The following IPO7 variants were observed in gnomAD, a reference collection of about 807,000 sequenced individuals.
IPO7 encodes the protein importin-7.
IPO7 carries 13 observed loss-of-function variants against 136.4 expected under a neutral mutation model. That is an observed-to-expected ratio of 0.10 (90% CI 0.06 to 0.15). The LOEUF (loss-of-function observed/expected upper bound fraction) is 0.15. Among genes scored for constraint, IPO7 ranks in the 10% least tolerant of loss-of-function variants. The probability of loss-of-function intolerance (pLI) is 1.00; values close to 1 mark genes in which losing one functional copy is unlikely to be tolerated. For missense variants in IPO7, 857 were observed against 1,240.6 expected, an observed-to-expected ratio of 0.69 and a Z score of 4.65; for synonymous variants, 403 against 404.4, an observed-to-expected ratio of 1.00 and a Z score of 0.04.
intron 16 of IPO7, among the ~76,000 whole-genome samples, chr11:9,431,904 G>A (rs146800939): frequency 6.4e-4 from 98 of 152,258 alleles, no homozygotes; most frequent in African/African-American, 2.3e-3. Context: ...GAACCCGAGA[G>A]GCAGACGCTG....
intron 10 of IPO7, among the ~76,000 whole-genome samples, chr11:9,424,692 G>A (rs1181977568): frequency 1.3e-5 from 2 of 152,164 alleles, no homozygotes; most frequent in African/African-American, 4.8e-5. Flanking sequence ...ACAATGAGCC[G>A]AGATCGCCCA....
intron 1 of IPO7, among the ~76,000 whole-genome samples, chr11:9,400,878 T>C (rs1854784595): frequency 6.6e-6 from 1 of 151,932 alleles, no homozygotes; most frequent in Non-Finnish European, 1.5e-5. Context: ...TGGGGTAAAG[T>C]CTGTAAGAAG....
At chr11:9,437,005 C>G (rs1384835490) in intron 20 of IPO7, among the ~76,000 whole-genome samples, 1 of 146,340 alleles carries the variant, frequency 6.8e-6, no homozygotes, top group African/African-American at 2.5e-5. Flanking sequence ...CTGCCTCTGC[C>G]TCCTGAGTAG....
Position 9,424,905 on chromosome 11 carries a change from G to T in IPO7, c.1142-9G>T. The T allele has an allele frequency of 6.4e-7, 1 of 1,550,520 alleles. No individual in the cohort carries two copies. The highest frequency in any genetic ancestry group is 1.4e-5 in the African/African-American group (1 of 72,906). Reference sequence around the variant, plus strand: ...TGTTTATTGTCTTAATTTTAAACTTGTTCTCTAGATGTGTTTGAAGATTTC... The same window carrying T: ...TGTTTATTGTCTTAATTTTAAACTTTTTCTCTAGATGTGTTTGAAGATTTC... On this transcript the variant is annotated splice_polypyrimidine_tract_variant and intron_variant, in intron 10 of 24. Coordinates refer to ENST00000379719, the MANE Select transcript of IPO7 (RefSeq NM_006391.3).
intron 1 of IPO7, among the ~76,000 whole-genome samples, chr11:9,389,340 C>T (rs1854596609): frequency 6.6e-6 from 1 of 152,170 alleles, no homozygotes; most frequent in African/African-American, 2.4e-5. Flanking sequence ...TGAGCCACCA[C>T]ACCAGCCGGT....
intron 1 of IPO7, among the ~76,000 whole-genome samples, chr11:9,389,626 G>A (rs184072621): frequency 2.6e-5 from 4 of 152,240 alleles, no homozygotes; most frequent in Admixed American, 2.6e-4. Flanking sequence ...TATGATCTCC[G>A]CATCAATAGT....
chr11:9,422,472 A>G (rs1855147770), intron 8 of IPO7, among the ~76,000 whole-genome samples: 1 of 152,130 alleles, frequency 6.6e-6, no homozygotes, highest in Non-Finnish European at 1.5e-5. Context: ...GATCCTCTGA[A>G]ATAGTCTTGG....
At chr11:9,443,460 G>T (rs1388945167) in intron 24 of IPO7, among the ~76,000 whole-genome samples, 1 of 150,534 alleles carries the variant, frequency 6.6e-6, no homozygotes, top group Non-Finnish European at 1.5e-5. Flanking sequence ...GGCGTGGTAG[G>T]CATGCCTGTA....
chr11:9,431,929 C>T (rs1203393481), intron 16 of IPO7, among the ~76,000 whole-genome samples: 2 of 152,022 alleles, frequency 1.3e-5, no homozygotes, highest in Non-Finnish European at 2.9e-5. Context: ...GAGCATAGAT[C>T]GCGCCACTGC....
chr11:9,437,867 A>G lies in IPO7; in HGVS notation c.2382A>G (p.Pro794=). The G allele has an allele frequency of 6.2e-7, 1 of 1,613,684 alleles. No individual in the cohort carries two copies. The highest frequency in any genetic ancestry group is 2.2e-5 in the East Asian group (1 of 44,866). The change falls in exon 21 of 25, where the codon CCA becomes CCG. Residue 794 remains proline, a synonymous_variant. Transcript: ENST00000379719. ...CAATTGCAGCTTTGTATTATAATCC[A>G]CACCTACTACTCAATACCTTAGAAA... is the stretch of plus-strand genomic sequence containing the variant. The part of the protein sequence containing the change: ...QVAIAALYYN[P]HLLLNTLENL...
intron 4 of IPO7, among the ~76,000 whole-genome samples, chr11:9,411,195 G>C (rs72851902): frequency 0.1 from 15,196 of 152,174 alleles, 1,098 homozygotes; most frequent in Non-Finnish European, 0.15. Context: ...AATATGACAG[G>C]GATTTTTAAG....
At chr11:9,390,106 G>T (rs1854607650) in intron 1 of IPO7, among the ~76,000 whole-genome samples, 1 of 152,140 alleles carries the variant, frequency 6.6e-6, no homozygotes, top group East Asian at 1.9e-4. Flanking sequence ...GGCCAGGCTG[G>T]TCTCGAACTC....
In IPO7 at chr11:9,384,864, A is replaced by G. The variant is rs1033071881; in HGVS notation, c.84+17A>G. On this transcript the variant is annotated intron_variant, in intron 1 of 24. Coordinates refer to ENST00000379719, the MANE Select transcript of IPO7 (RefSeq NM_006391.3). ...CTCAATGAAGTAAGGACGCCCGGCT[A>G]GCGGTGGCGGCGGGCAGGCGGGTGG... 10 of 1,578,960 alleles carry G rather than the reference A, an allele frequency of 6.3e-6. No homozygotes were observed. In the Admixed American group the frequency reaches 1.4e-4, roughly 22 times the overall value.
intron 3 of IPO7, among the ~76,000 whole-genome samples, chr11:9,408,905 G>C (rs796288042): frequency 5.9e-5 from 9 of 151,346 alleles, no homozygotes; most frequent in African/African-American, 2.2e-4. Flanking sequence ...GTAGAGACAG[G>C]GTTTCACCAT....
At chr11:9,422,082 C>T (rs1236050474) in intron 8 of IPO7, among the ~76,000 whole-genome samples, 5 of 152,138 alleles carry the variant, frequency 3.3e-5, no homozygotes, top group Non-Finnish European at 7.3e-5. Context: ...GAGTTCGAGA[C>T]CAGCCTGACC....
At chr11:9,424,214 A>G (rs1159136054) in intron 10 of IPO7, among the ~76,000 whole-genome samples, 9 of 152,206 alleles carry the variant, frequency 5.9e-5, no homozygotes. Flanking sequence ...ACATCTAGGA[A>G]GCTGGTGTCA....
chr11:9,438,344 G>T, intron 22 of IPO7, 59 bp downstream of exon 22: 1 of 1,118,130 alleles, frequency 8.9e-7, no homozygotes, highest in Non-Finnish European at 1.3e-6. Flanking sequence ...TTACCGCACT[G>T]GGCCGGGCGC....
rs1855351129 is a variant in IPO7, at chr11:9,435,034, A to G, written c.2172+3A>G. 1 of 1,562,166 alleles carries G rather than the reference A, an allele frequency of 6.4e-7. No individual in the cohort carries two copies. Among genetic ancestry groups the G allele is most frequent in the Non-Finnish European group, 8.8e-7 (1 of 1,135,170 alleles). Reference sequence around the variant, plus strand: ...TGATATACAGTATGTGCAAAAAGGTAGGTCATTTTTATATATCAGATTTCA... The same window carrying G: ...TGATATACAGTATGTGCAAAAAGGTGGGTCATTTTTATATATCAGATTTCA... On this transcript the variant is annotated splice_donor_region_variant and intron_variant, in intron 19 of 24. Coordinates refer to ENST00000379719, the MANE Select transcript of IPO7 (RefSeq NM_006391.3).
intron 8 of IPO7, among the ~76,000 whole-genome samples, chr11:9,421,415 G>C (rs950162092): frequency 6.6e-6 from 1 of 150,846 alleles, no homozygotes; most frequent in Admixed American, 6.6e-5. Context: ...AGATCACGAG[G>C]TCAGGAGTTC....
Sources: gnomAD v4.1 joint callset for allele counts (sites outside exome capture counted in the v4.1 genomes callset) on GRCh38, gnomAD v4.1.1 for gene constraint, MANE v1.5 for transcripts, NCBI Gene and HGNC (gene_info 2026-07-23, HGNC 2026-07-21) for gene names.